Variants in SLC2A5 observed in about 807,000 individuals in gnomAD.
The protein encoded by SLC2A5 is solute carrier family 2, facilitated glucose transporter member 5.
In SLC2A5, 56 loss-of-function variants were observed where a neutral mutation model predicts 50.3. That is an observed-to-expected ratio of 1.11 (90% confidence interval 0.90 to 1.39). The LOEUF (loss-of-function observed/expected upper bound fraction) is 1.39. Among genes scored for constraint, SLC2A5 ranks in the 40% most tolerant of loss-of-function variants. The pLI is 0.00. For missense variants in SLC2A5, 566 were observed against 650.1 expected, an observed-to-expected ratio of 0.87 and a Z score of 1.41; for synonymous variants, 269 against 281.9, an observed-to-expected ratio of 0.95 and a Z score of 0.46.
intron 1 of SLC2A5, among the ~76,000 whole-genome samples, chr1:9,065,435 GTTAGGAA>G (rs1488826368): frequency 2.0e-5 from 3 of 152,168 alleles, no homozygotes; most frequent in Non-Finnish European, 4.4e-5. Context: ...GCTTTTCCTT[GTTAGGAA>G]TCTGCAGTCA....
intron 3 of SLC2A5, among the ~76,000 whole-genome samples, chr1:9,053,257 T>C (rs1258278663): frequency 1.0e-4 from 7 of 68,752 alleles, no homozygotes; most frequent in Admixed American, 8.2e-4. Flanking sequence ...TATTTATATA[T>C]TATATATTTA....
rs147140857 is a variant in SLC2A5 at position 9,041,835 on chromosome 1, A to T, written c.521T>A (p.Ile174Asn). ...VVPQLFITVG[I>N]LVAQIFGLRN... ...AAGACCAAAGATCTGGGCCACAAGG[A>T]TGCCAACAGTGATGAAGAGCTGGGG... The change falls in exon 5 of 12, where the codon ATC (isoleucine) becomes AAC (asparagine). Residue 174 changes from isoleucine (I) to asparagine (N), a missense_variant. By Grantham distance (149) the Ile-to-Asn change is moderately radical (BLOSUM62 -3). Transcript: ENST00000377424. The T allele has an allele frequency of 6.8e-5, 110 of 1,614,064 alleles. No individual in the cohort carries two copies. Among genetic ancestry groups the T allele is most frequent in the Middle Eastern group, 3.3e-4 (2 of 6,062 alleles).
intron 1 of SLC2A5, among the ~76,000 whole-genome samples, chr1:9,059,358 T>TG (rs1317807956): frequency 6.6e-6 from 1 of 150,822 alleles, no homozygotes; most frequent in Non-Finnish European, 1.5e-5. Flanking sequence ...TTAGCCAGGA[T>TG]GGTCTCAATC....
chr1:9,041,582 C>A, intron 5 of SLC2A5: 1 of 1,432,438 alleles, frequency 7.0e-7, no homozygotes, highest in Non-Finnish European at 9.2e-7. Flanking sequence ...AGATAGTAAA[C>A]GCTGGCCAGT....
upstream of SLC2A5, chr1:9,072,255 A>C (rs1642228058): frequency 6.6e-6 from 1 of 151,938 alleles, no homozygotes; most frequent in Non-Finnish European, 1.5e-5. Context: ...GAGGAGGGGG[A>C]TGGCAGCGGT....
chr1:9,094,195 C>T, the SLC2A5 span, among the ~76,000 whole-genome samples: 322 of 152,328 alleles, frequency 2.1e-3, 1 homozygote, highest in Middle Eastern at 0.048. Flanking sequence ...CTGAAGCGAA[C>T]GGAGCATTCC....
chr1:9,042,055 G>A (rs1257935686), intron 4 of SLC2A5, 118 bp from the exon 5 acceptor site: 2 of 1,367,118 alleles, frequency 1.5e-6, no homozygotes, highest in East Asian at 2.6e-5. Context: ...TCTCAAAACT[G>A]CAAAGGAGAA....
chr1:9,049,557 G>A lies in SLC2A5; in HGVS notation c.294-1823C>T, dbSNP rs139628953. ...CTGGTCAGCATGGTGAAACCTCGTC[G>A]TCTCTACTACAGCCACGCACCTCTA... On this transcript the variant is annotated intron_variant, in intron 3 of 11. Coordinates refer to ENST00000377424, the MANE Select transcript of SLC2A5 (RefSeq NM_003039.3). Among the ~76,000 whole-genome samples the A allele has an allele frequency of 8.6e-3, 1,311 of 151,966 alleles. 7 individuals carry two copies. The highest frequency in any genetic ancestry group is 0.014 in the Non-Finnish European group (979 of 67,936).
chr1:9,061,113 C>T (rs1048043756), intron 1 of SLC2A5, among the ~76,000 whole-genome samples: 5 of 151,368 alleles, frequency 3.3e-5, no homozygotes, highest in African/African-American at 9.7e-5. Context: ...GGTGAAACCT[C>T]GTCTCTACTA....
At chr1:9,051,380 A>G (rs1448211200) in intron 3 of SLC2A5, among the ~76,000 whole-genome samples, 1 of 152,198 alleles carries the variant, frequency 6.6e-6, no homozygotes, top group Admixed American at 6.5e-5. Context: ...GCCACAAACT[A>G]GGAGAAAATA....
chr1:9,084,752 G>T (rs757352248), intron 2 of SLC2A5, among the ~76,000 whole-genome samples: 3 of 152,198 alleles, frequency 2.0e-5, no homozygotes, highest in Non-Finnish European at 2.9e-5. Flanking sequence ...ACACCCTTGG[G>T]TGGCCCTGGA....
At chr1:9,045,616 G>T (rs1448813903) in intron 4 of SLC2A5, among the ~76,000 whole-genome samples, 2 of 152,092 alleles carry the variant, frequency 1.3e-5, no homozygotes, top group African/African-American at 4.8e-5. Flanking sequence ...GGCCGGGCAT[G>T]GTGGCTCACG....
chr1:9,060,329 C>A (rs928142067), intron 1 of SLC2A5, among the ~76,000 whole-genome samples: 1 of 122,124 alleles, frequency 8.2e-6, no homozygotes, highest in Non-Finnish European at 1.7e-5. Flanking sequence ...ACACTACATA[C>A]ACACAAGCAC....
chr1:9,062,992 C>T lies in SLC2A5; in HGVS notation c.34-4742G>A, dbSNP rs1023515500. ...GGCACTTGGGTAATGGAACGGGCCA[C>T]GGTAGGGGTTAAAAGTACCAGCTTT... On this transcript the variant is annotated intron_variant, in intron 1 of 11. Transcript: ENST00000377424. Among the ~76,000 whole-genome samples, 22 of 152,112 alleles carry T rather than the reference C, an allele frequency of 1.4e-4. No homozygotes were observed. The East Asian group carries it at 3.3e-3, about 23-fold the overall frequency.
intron 2 of SLC2A5, among the ~76,000 whole-genome samples, chr1:9,078,054 C>G (rs538711893): frequency 2.0e-4 from 30 of 152,296 alleles, no homozygotes; most frequent in Non-Finnish European, 3.1e-4. Flanking sequence ...GGATTATCCA[C>G]TAGTTTTCTG....
At chr1:9,064,571 G>A (rs1234321880) in intron 1 of SLC2A5, among the ~76,000 whole-genome samples, 1 of 152,138 alleles carries the variant, frequency 6.6e-6, no homozygotes, top group African/African-American at 2.4e-5. Context: ...GAAACTTTTT[G>A]GGGGATGTGT....
chr1:9,059,211 C>T (rs927247876), intron 1 of SLC2A5, among the ~76,000 whole-genome samples: 3 of 133,342 alleles, frequency 2.2e-5, no homozygotes, highest in Non-Finnish European at 4.6e-5. Flanking sequence ...GGCGCAATCT[C>T]GGCTCACTGC....
intron 1 of SLC2A5, among the ~76,000 whole-genome samples, chr1:9,063,403 C>T (rs990577078): frequency 9.2e-5 from 14 of 151,974 alleles, no homozygotes; most frequent in Admixed American, 6.6e-5. Context: ...GACAGAGTCT[C>T]GCTCTGTCGC....
At chr1:9,039,698 A>T (rs772105932) in intron 7 of SLC2A5, 36 bp from the exon 8 acceptor site, 85 of 1,471,096 alleles carry the variant, frequency 5.8e-5, no homozygotes, top group Non-Finnish European at 7.1e-5. Context: ...GGCTGCCCGG[A>T]GGAGGCGGCC....
Sources: gnomAD v4.1 joint callset for allele counts (sites outside exome capture counted in the v4.1 genomes callset) on GRCh38, gnomAD v4.1.1 for gene constraint, MANE v1.5 for transcripts, NCBI Gene and HGNC (gene_info 2026-07-23, HGNC 2026-07-21) for gene names.